Variants in TDRD12 observed in about 807,000 individuals in gnomAD.
The protein encoded by TDRD12 is tudor domain containing 12.
Under a neutral mutation model 133.5 loss-of-function variants are expected in TDRD12, and 158 were observed. The observed-to-expected ratio is 1.18, with a 90% CI of 1.04 to 1.35. TDRD12 has a LOEUF of 1.35. Ranked by LOEUF, TDRD12 falls within the 40% of genes most tolerant of loss-of-function variation. The pLI is 0.00. For missense variants in TDRD12, 1,443 were observed against 1,321.3 expected, an observed-to-expected ratio of 1.09 and a Z score of -1.43; for synonymous variants, 460 against 477.9, an observed-to-expected ratio of 0.96 and a Z score of 0.49.
chr19:32,799,855 C>T (rs569018742), intron 16 of TDRD12, among the ~76,000 whole-genome samples: 3 of 151,186 alleles, frequency 2.0e-5, no homozygotes, highest in Admixed American at 2.0e-4. Context: ...GTGCCTCAGC[C>T]TCCCGAGTAG....
intron 8 of TDRD12, among the ~76,000 whole-genome samples, chr19:32,761,563 G>T (rs567738270): frequency 2.0e-5 from 3 of 152,320 alleles, no homozygotes; most frequent in East Asian, 1.9e-4. Context: ...TCTAATAGGG[G>T]TGTAGTGGAA....
chr19:32,744,499 C>CAAAAAAAAA (rs10644749), intron 4 of TDRD12, among the ~76,000 whole-genome samples: 25 of 38,084 alleles, frequency 6.6e-4, no homozygotes, highest in Admixed American at 9.5e-4. Flanking sequence ...GACTCCGTCT[C>CAAAAAAAAA]AAAAAAAAAA....
chr19:32,747,118 GA>G (rs1323078822), intron 4 of TDRD12, among the ~76,000 whole-genome samples: 2 of 152,074 alleles, frequency 1.3e-5, no homozygotes, highest in Admixed American at 1.3e-4. Context: ...GTGTGTGAGA[GA>G]GGGGGAGAGA....
chr19:32,771,189 G>T (rs1305575616), intron 8 of TDRD12, among the ~76,000 whole-genome samples: 2 of 152,070 alleles, frequency 1.3e-5, no homozygotes, highest in Admixed American at 6.6e-5. Context: ...TAGATTTTTT[G>T]AGATGGAGTC....
At chr19:32,800,190 T>A (rs1971345846) in exon 17 of TDRD12, 1 of 1,510,340 alleles carries the variant, frequency 6.6e-7, no homozygotes, top group Non-Finnish European at 8.8e-7. Context: ...TAGATAACTT[T>A]AAAAAAAATA....
At chr19:32,827,508 T>C (rs545903618) in exon 10 of TDRD12, 43 of 209,966 alleles carry the variant, frequency 2.0e-4, no homozygotes, top group African/African-American at 9.8e-4. Context: ...GCCTCCCGAG[T>C]AGCTGGGATT....
At chr19:32,808,559 A>G (rs1411332955) in intron 22 of TDRD12, among the ~76,000 whole-genome samples, 1 of 152,144 alleles carries the variant, frequency 6.6e-6, no homozygotes, top group Non-Finnish European at 1.5e-5. Flanking sequence ...CACCTAGATA[A>G]CCCAGAGCCA....
chr19:32,728,258 A>T (rs1481276138), intron 1 of TDRD12, among the ~76,000 whole-genome samples: 2 of 152,082 alleles, frequency 1.3e-5, no homozygotes, highest in Non-Finnish European at 2.9e-5. Flanking sequence ...TTGGGATTTC[A>T]TGTGAATTTT....
At chr19:32,797,879 C>T in exon 15 of TDRD12, 1 of 697,314 alleles carries the variant, frequency 1.4e-6, no homozygotes, top group Non-Finnish European at 2.6e-6. Flanking sequence ...AAATACAAAG[C>T]TTCCAAGGGG....
At chr19:32,800,176 A>G (rs777889905) in exon 17 of TDRD12, 31 of 1,488,692 alleles carry the variant, frequency 2.1e-5, no homozygotes, top group Admixed American at 6.6e-5. Flanking sequence ...GATGTTTGCT[A>G]TATTAGATAA....
At chr19:32,722,521 C>T (rs1430098389) in intron 1 of TDRD12, among the ~76,000 whole-genome samples, 2 of 152,018 alleles carry the variant, frequency 1.3e-5, no homozygotes, top group African/African-American at 4.8e-5. Flanking sequence ...AAATATTTTT[C>T]CCTCCATGTA....
At chr19:32,801,274 A>G (rs954841502) in intron 18 of TDRD12, among the ~76,000 whole-genome samples, 4 of 152,156 alleles carry the variant, frequency 2.6e-5, no homozygotes, top group Non-Finnish European at 5.9e-5. Context: ...TAGCCAAAAA[A>G]TCAAATAAAT....
At chr19:32,740,727 G>C (rs985186423) in intron 3 of TDRD12, among the ~76,000 whole-genome samples, 1 of 152,188 alleles carries the variant, frequency 6.6e-6, no homozygotes, top group Non-Finnish European at 1.5e-5. Flanking sequence ...CTCCACAGAA[G>C]GGGGGTTGCT....
chr19:32,811,638 G>A (rs1967011103), intron 24 of TDRD12, among the ~76,000 whole-genome samples: 2 of 152,170 alleles, frequency 1.3e-5, no homozygotes, highest in African/African-American at 2.4e-5. Context: ...TGTGCTTACG[G>A]TCACAGAATC....
rs180794460 is a variant in TDRD12, at chr19:32,726,293, G to A, written c.25-5432G>A. ...GACTGGGTTTCACTGTGTTAGCCACGATGGTCTTGATCTCCTGACCTTGGA... is the reference window on the plus strand; with the variant it reads ...GACTGGGTTTCACTGTGTTAGCCACAATGGTCTTGATCTCCTGACCTTGGA... On this transcript the variant is annotated intron_variant, in intron 1 of 27. Transcript: ENST00000444215. Among the ~76,000 whole-genome samples the A allele has an allele frequency of 3.2e-4, 48 of 152,140 alleles. No homozygotes were observed. In the East Asian group the frequency reaches 7.9e-3, roughly 25 times the overall value.
chr19:32,811,409 T>C (rs763976326), exon 24 of TDRD12: 9 of 1,536,108 alleles, frequency 5.9e-6, no homozygotes, highest in Middle Eastern at 1.7e-4. Context: ...CGAAATAGAA[T>C]GGAATCCGAA....
In TDRD12 at chr19:32,806,374, G is replaced by GCT. The variant is rs1212119292; in HGVS notation, c.2553-1172_2553-1171dup. Among the ~76,000 whole-genome samples, 3 of 142,624 alleles carry GCT rather than the reference G, an allele frequency of 2.1e-5. No individual in the cohort carries two copies. The East Asian group carries it at 6.2e-4, about 30-fold the overall frequency. 93.6% of individuals were successfully genotyped at this position (142,624 alleles called of 152,430 possible). A position where few individuals can be genotyped will look rare whatever the true frequency, so the allele number is the denominator to read the frequency against. ...TTTTTTTTAAGACAGTCTCTGTCTGGCTCTGTCACCCAGGCTAGAGTGCAA... is the reference window on the plus strand; with the variant it reads ...TTTTTTTTAAGACAGTCTCTGTCTGGCTCTCTGTCACCCAGGCTAGAGTGCAA... On this transcript the variant is annotated intron_variant, in intron 21 of 27. Transcript: ENST00000444215.
intron 8 of TDRD12, among the ~76,000 whole-genome samples, chr19:32,769,873 TGA>T (rs753374664): frequency 1.0e-3 from 156 of 152,192 alleles, no homozygotes; most frequent in Non-Finnish European, 1.5e-3. Flanking sequence ...CGACCTCAGG[TGA>T]TCCACCCGCC....
intron 8 of TDRD12, 23 bp from the exon 9 acceptor site, chr19:32,772,730 T>C: frequency 7.1e-7 from 1 of 1,417,710 alleles, no homozygotes; most frequent in Non-Finnish European, 9.4e-7. Context: ...TGTAGCTTTT[T>C]TATTACCATT....
Sources: allele counts gnomAD v4.1 joint callset (sites outside exome capture counted in the v4.1 genomes callset), GRCh38; gene constraint gnomAD v4.1.1; transcripts MANE v1.5; gene names NCBI Gene and HGNC (gene_info 2026-07-23, HGNC 2026-07-21).